EPM2A: variants seen among roughly 807,000 people sequenced by gnomAD.
The protein encoded by EPM2A is laforin.
A neutral mutation model predicts 26.5 loss-of-function variants in EPM2A; 21 were observed. The ratio of observed to expected loss-of-function variants is 0.79; its 90% CI spans 0.56 to 1.14. The LOEUF (loss-of-function observed/expected upper bound fraction) is 1.14. Ranked by LOEUF, EPM2A falls within the 50% of genes most tolerant of loss-of-function variation. The pLI, the probability that EPM2A is intolerant of heterozygous loss-of-function variation, is 0.00. For synonymous variants in EPM2A, 217 were observed against 177.6 expected, an observed-to-expected ratio of 1.22 and a Z score of -1.76; for missense variants, 458 against 440.8, an observed-to-expected ratio of 1.04 and a Z score of -0.35.
intron 2 of EPM2A, among the ~76,000 whole-genome samples, chr6:145,551,095 G>A (rs1160316780): frequency 6.6e-6 from 1 of 152,018 alleles, no homozygotes; most frequent in Non-Finnish European, 1.5e-5. Context: ...ACAGAAGTCT[G>A]AGTAAAATAT....
chr6:145,605,824 A>G (rs943576812), intron 2 of EPM2A, among the ~76,000 whole-genome samples: 1 of 152,160 alleles, frequency 6.6e-6, no homozygotes, highest in Non-Finnish European at 1.5e-5. Flanking sequence ...CTGCTTTCAG[A>G]CTCAGTAGAA....
At chr6:145,582,774 C>G (rs1781132883) in intron 2 of EPM2A, among the ~76,000 whole-genome samples, 1 of 152,206 alleles carries the variant, frequency 6.6e-6, no homozygotes, top group South Asian at 2.1e-4. Flanking sequence ...TTCTCTCCCT[C>G]TTCTTCAGAG....
At chr6:145,576,991 A>G (rs568869903) in intron 2 of EPM2A, among the ~76,000 whole-genome samples, 9 of 151,194 alleles carry the variant, frequency 6.0e-5, no homozygotes, top group Non-Finnish European at 1.2e-4. Flanking sequence ...TACAAGCTTC[A>G]TGGTAACCAC....
At chr6:145,581,478 G>A (rs938120767) in intron 2 of EPM2A, among the ~76,000 whole-genome samples, 20 of 152,062 alleles carry the variant, frequency 1.3e-4, no homozygotes, top group African/African-American at 4.1e-4. Context: ...TTATTTTGCT[G>A]TGCAGAAGCT....
chr6:145,491,390 C>T (rs1009117087), intron 4 of EPM2A, among the ~76,000 whole-genome samples: 6 of 152,078 alleles, frequency 3.9e-5, no homozygotes, highest in Non-Finnish European at 5.9e-5. Context: ...AAACTCTATG[C>T]GGGCCCTGTG....
chr6:145,470,234 C>T lies in EPM2A; in HGVS notation c.555+32288G>A, dbSNP rs560473667. On this transcript the variant is annotated intron_variant, in intron 4 of 4. Coordinates refer to the EPM2A transcript ENST00000638717. The stretch of plus-strand genomic sequence containing the variant: ...TTGAGGTGATGGATATCCCATTTTC[C>T]CTGATCTGATTATTATACATTGTAT... 5.9e-5 allele frequency among the ~76,000 whole-genome samples: 9 copies of T among 151,952 alleles called. No individual in the cohort carries two copies. The South Asian group carries it at 1.9e-3, about 32-fold the overall frequency.
At chr6:145,494,070 C>G (rs1377127900) in intron 4 of EPM2A, among the ~76,000 whole-genome samples, 1 of 152,170 alleles carries the variant, frequency 6.6e-6, no homozygotes, top group Non-Finnish European at 1.5e-5. Context: ...TCCAGCTATT[C>G]TGTGTACATC....
intron 2 of EPM2A, among the ~76,000 whole-genome samples, chr6:145,651,177 G>C (rs2128578232): frequency 6.6e-6 from 1 of 152,282 alleles, no homozygotes; most frequent in East Asian, 1.9e-4. Context: ...ACAAAGACTA[G>C]TCAGCTTTTC....
chr6:145,456,360 G>A (rs528496713), intron 4 of EPM2A, among the ~76,000 whole-genome samples: 1 of 152,106 alleles, frequency 6.6e-6, no homozygotes, highest in East Asian at 1.9e-4. Flanking sequence ...ATGAAAAGAC[G>A]TTTGCATGCT....
At chr6:145,586,916 T>C (rs960146113) in intron 2 of EPM2A, among the ~76,000 whole-genome samples, 6 of 152,190 alleles carry the variant, frequency 3.9e-5, no homozygotes, top group Non-Finnish European at 1.5e-5. Flanking sequence ...TCAATTCTTA[T>C]TCCTCATATT....
intron 4 of EPM2A, among the ~76,000 whole-genome samples, chr6:145,466,379 A>C (rs1207508757): frequency 6.6e-6 from 1 of 152,232 alleles, no homozygotes; most frequent in Admixed American, 6.5e-5. Flanking sequence ...GCAGGCAAAA[A>C]ACACATGAAA....
At chr6:145,458,844 C>T (rs1249162812) in intron 4 of EPM2A, among the ~76,000 whole-genome samples, 1 of 149,458 alleles carries the variant, frequency 6.7e-6, no homozygotes, top group Non-Finnish European at 1.5e-5. Context: ...GCTTTAAACA[C>T]ATTAGCAAAA....
chr6:145,538,697 T>A (rs1345667043), intron 2 of EPM2A, among the ~76,000 whole-genome samples: 1 of 152,250 alleles, frequency 6.6e-6, no homozygotes, highest in Non-Finnish European at 1.5e-5. Context: ...ATAATTCATC[T>A]GGGATAAATA....
chr6:145,508,367 C>T (rs528619784), intron 2 of EPM2A, among the ~76,000 whole-genome samples: 7 of 152,340 alleles, frequency 4.6e-5, no homozygotes, highest in African/African-American at 1.7e-4. Context: ...GCTCTTACTT[C>T]TCAGCATCAT....
At chr6:145,414,438 T>C (rs1190571449) in intron 4 of EPM2A, among the ~76,000 whole-genome samples, 1 of 151,988 alleles carries the variant, frequency 6.6e-6, no homozygotes, top group Non-Finnish European at 1.5e-5. Flanking sequence ...GTTGATTCGC[T>C]TCACTAAAGA....
intron 1 of EPM2A, among the ~76,000 whole-genome samples, chr6:145,711,156 C>T (rs1052066356): frequency 3.3e-5 from 5 of 152,088 alleles, no homozygotes; most frequent in Non-Finnish European, 7.4e-5. Flanking sequence ...TGAAATATTT[C>T]AACTGCAGAG....
chr6:145,540,022 C>T (rs1780485043), intron 2 of EPM2A, among the ~76,000 whole-genome samples: 1 of 152,140 alleles, frequency 6.6e-6, no homozygotes, highest in Non-Finnish European at 1.5e-5. Flanking sequence ...ACCATTTTAT[C>T]CTGCCTTGGC....
At chr6:145,516,557 C>T (rs1356845747) in intron 2 of EPM2A, among the ~76,000 whole-genome samples, 4 of 152,114 alleles carry the variant, frequency 2.6e-5, no homozygotes, top group African/African-American at 7.2e-5. Flanking sequence ...ACAGCAGAGC[C>T]GTGAGACTAT....
chr6:145,735,147 G>T, intron 1 of EPM2A, 51 bp downstream of exon 1: 1 of 1,380,422 alleles, frequency 7.2e-7, no homozygotes. Flanking sequence ...GGTTGGGGGT[G>T]CGGGCCGGAG....
Sources: gnomAD v4.1 joint callset for allele counts (sites outside exome capture counted in the v4.1 genomes callset) on GRCh38, gnomAD v4.1.1 for gene constraint, MANE v1.5 for transcripts, NCBI Gene and HGNC (gene_info 2026-07-23, HGNC 2026-07-21) for gene names.